Variants in UBR4 observed in about 807,000 individuals in gnomAD.
UBR4 encodes the protein ubiquitin protein ligase E3 component n-recognin 4.
UBR4 carries 124 observed loss-of-function variants against 575.6 expected under a neutral mutation model. The observed-to-expected ratio is 0.22, with a 90% CI of 0.19 to 0.25. UBR4 has a LOEUF of 0.25. Among genes scored for constraint, UBR4 ranks in the 10% least tolerant of loss-of-function variants. UBR4 has a pLI of 1.00. For synonymous variants in UBR4, 2,455 were observed against 2,473.7 expected (o/e 0.99, Z 0.22); for missense variants, 4,818 against 6,478.8 (o/e 0.74, Z 8.80).
chr1:19,175,392 A>G (rs930536317), intron 20 of UBR4, among the ~76,000 whole-genome samples: 1 of 151,300 alleles, frequency 6.6e-6, no homozygotes, highest in African/African-American at 2.4e-5. Flanking sequence ...TTATATCATT[A>G]GTCTGCACAC....
At chr1:19,171,449 T>C (rs187154976) in intron 25 of UBR4, among the ~76,000 whole-genome samples, 2 of 152,258 alleles carry the variant, frequency 1.3e-5, no homozygotes, top group East Asian at 3.9e-4. Context: ...AAAAAAAAAT[T>C]TGCCTCAAAC....
At chr1:19,165,922 A>G (rs1285614260) in intron 29 of UBR4, among the ~76,000 whole-genome samples, 165 bp from the exon 30 acceptor site, 2 of 152,234 alleles carry the variant, frequency 1.3e-5, no homozygotes, top group South Asian at 2.1e-4. Flanking sequence ...GTAGGTGTTC[A>G]ATACATGTTT....
At chr1:19,177,829 T>A in intron 18 of UBR4, 86 bp from the exon 19 acceptor site, 1 of 1,425,900 alleles carries the variant, frequency 7.0e-7, no homozygotes, top group Non-Finnish European at 9.5e-7. Context: ...AGAGTTAAAT[T>A]TCCTAAACCC....
intron 1 of UBR4, among the ~76,000 whole-genome samples, chr1:19,204,782 G>A (rs898936929): frequency 1.3e-5 from 2 of 152,152 alleles, no homozygotes; most frequent in Non-Finnish European, 2.9e-5. Context: ...TTGAAGACTT[G>A]AAGGAGGAAA....
intron 29 of UBR4, among the ~76,000 whole-genome samples, chr1:19,166,714 C>CAAAAAAAAAAAAAAAAAAAAAA (rs535369262): frequency 1.4e-5 from 1 of 73,710 alleles, no homozygotes; most frequent in African/African-American, 6.6e-5. Flanking sequence ...CCATCTCTAC[C>CAAAAAAAAAAAAAAAAAAAAAA]AAAAAAAAAA....
intron 60 of UBR4, among the ~76,000 whole-genome samples, chr1:19,133,366 T>G (rs2082761108): frequency 6.6e-6 from 1 of 152,096 alleles, no homozygotes; most frequent in African/African-American, 2.4e-5. Context: ...GATAAAAATC[T>G]CCCAGCAAAC....
Position 19,148,148 on chromosome 1 carries a change from G to A in UBR4, c.7495-21C>T, listed in dbSNP as rs772890025. On this transcript the variant is annotated intron_variant, in intron 50 of 105. Transcript: ENST00000375254. Reference sequence around the variant, plus strand: ...CTCTCCTAAGGCAAAAGACAGCAGGGTTATCACTAACCCCACCAACTCAAG... The same window carrying A: ...CTCTCCTAAGGCAAAAGACAGCAGGATTATCACTAACCCCACCAACTCAAG... 8 of 1,595,036 alleles carry A rather than the reference G, an allele frequency of 5.0e-6. No homozygotes were observed. In the South Asian group the frequency reaches 8.8e-5, roughly 18 times the overall value.
rs948580184 is a variant in UBR4 at position 19,150,637 on chromosome 1, T to C, written c.7370A>G (p.Asn2457Ser). 35 of 1,614,046 alleles carry C rather than the reference T, an allele frequency of 2.2e-5. No homozygotes were observed. The highest frequency in any genetic ancestry group is 1.7e-4 in the Middle Eastern group (1 of 6,010). The change falls in exon 49 of 106, where the codon AAC (asparagine) becomes AGC (serine). Residue 2457 changes from asparagine to serine, a missense_variant. Asn to Ser is a conservative substitution (Grantham distance 46). This residue lies in a region of UBR4 where 340 missense variants were observed against 375.4 expected (regional missense o/e 0.91). Coordinates refer to ENST00000375254, the MANE Select transcript of UBR4 (RefSeq NM_020765.3). ...NICPSNLNQS[N>S]GTGDSDSAAP... ...AGCTGAGTCGCTATCTCCAGTGCCG[T>C]TGCTCTGGTTCAGATTTGAAGGGCA...
chr1:19,151,188 A>C (rs567309770), intron 48 of UBR4: 1 of 320,586 alleles, frequency 3.1e-6, no homozygotes, highest in African/African-American at 2.1e-5. Flanking sequence ...GTGGCCAATA[A>C]ATGACAGAGA....
At chr1:19,150,825 A>C (rs1557801023) in intron 48 of UBR4, 32 bp from the exon 49 acceptor site, 1 of 1,608,366 alleles carries the variant, frequency 6.2e-7, no homozygotes, top group Admixed American at 1.7e-5. Context: ...TTTAGGAAGC[A>C]CATTCTCTAA....
intron 61 of UBR4, 36 bp downstream of exon 61, chr1:19,128,942 A>G (rs745553470): frequency 9.4e-6 from 15 of 1,587,350 alleles, no homozygotes; most frequent in Non-Finnish European, 1.1e-5. Context: ...CGGTCCAATC[A>G]TGACCTGACA....
chr1:19,162,349 G>C, intron 35 of UBR4, 71 bp downstream of exon 35: 1 of 1,512,944 alleles, frequency 6.6e-7, no homozygotes, highest in Non-Finnish European at 8.9e-7. Context: ...GGAAAACAGA[G>C]CCAAAAGCTT....
At position 19,139,732 on chromosome 1, in the gene UBR4, G is replaced by C. The variant is rs2083624618; in HGVS notation, c.8594-512C>G. ...AGGAAATCACTTAGCATGAGCTCTT[G>C]AATCAACCCTGTTTTGGTTTTTTTA... On this transcript the variant is annotated intron_variant, in intron 58 of 105. Coordinates refer to ENST00000375254, the MANE Select transcript of UBR4 (RefSeq NM_020765.3). This position sits in a 1 kb window ranked among gnomAD's most constrained non-coding sequence, Gnocchi z 4.2. Among the ~76,000 whole-genome samples the C allele has an allele frequency of 6.6e-6, 1 of 152,208 alleles. No individual in the cohort carries two copies. Among genetic ancestry groups the C allele is most frequent in the Admixed American group, 6.5e-5 (1 of 15,282 alleles).
chr1:19,096,765 C>A, intron 91 of UBR4, 115 bp from the exon 92 acceptor site: 1 of 1,447,012 alleles, frequency 6.9e-7, no homozygotes. Context: ...TTTTCCGTAT[C>A]TCCAATAAAG....
chr1:19,204,298 G>T (rs906315295), intron 1 of UBR4, among the ~76,000 whole-genome samples: 1 of 152,092 alleles, frequency 6.6e-6, no homozygotes, highest in African/African-American at 2.4e-5. Flanking sequence ...TCCACGCCTG[G>T]CCCCACCCTT....
chr1:19,143,332 A>G (rs2084359999), intron 55 of UBR4, among the ~76,000 whole-genome samples: 1 of 151,894 alleles, frequency 6.6e-6, no homozygotes, highest in Admixed American at 6.6e-5. Context: ...ATTTAAAAGT[A>G]CATAGTGACT....
Position 19,192,248 on chromosome 1 carries a change from C to G in UBR4, c.1334G>C (p.Arg445Thr), listed in dbSNP as rs1173243050. The change falls in exon 11 of 106, where the codon AGA becomes ACA. Residue 445 changes from arginine to threonine, a missense_variant. Physicochemically the swap from Arg to Thr is moderately conservative, Grantham distance 71 (BLOSUM62 -1). This residue lies in a region of UBR4 where 162 missense variants were observed against 216.4 expected (regional missense o/e 0.75). Coordinates refer to ENST00000375254, the MANE Select transcript of UBR4 (RefSeq NM_020765.3). The part of the protein sequence containing the change: ...EKDPLAALRV[R>T]DILSRTKEGV... Reference sequence around the variant, plus strand: ...CTCTTTAGTACGAGAAAGGATGTCTCTGACTCGGAGGGCAGCCAGTGGGTC... The same window carrying G: ...CTCTTTAGTACGAGAAAGGATGTCTGTGACTCGGAGGGCAGCCAGTGGGTC... 6 of 1,614,202 alleles carry G rather than the reference C, an allele frequency of 3.7e-6. No homozygotes were observed. The highest frequency in any genetic ancestry group is 1.7e-5 in the Admixed American group (1 of 60,024).
At chr1:19,081,653 T>C (rs778437514) in intron 102 of UBR4, 80 bp from the exon 103 acceptor site, 1 of 1,490,454 alleles carries the variant, frequency 6.7e-7, no homozygotes, top group South Asian at 1.1e-5. Flanking sequence ...ATTTGCTCAA[T>C]TTGTCGTTGT....
intron 19 of UBR4, 141 bp from the exon 20 acceptor site, chr1:19,176,868 G>A (rs2090319240): frequency 6.9e-6 from 7 of 1,019,080 alleles, no homozygotes; most frequent in Non-Finnish European, 9.6e-6. Flanking sequence ...TGTTTTATTG[G>A]GCACCATTCA....
Sources: allele counts gnomAD v4.1 joint callset (sites outside exome capture counted in the v4.1 genomes callset), GRCh38; gene constraint gnomAD v4.1.1; regional missense constraint gnomAD v4.1.1; non-coding constraint Gnocchi (gnomAD v3.1); transcripts MANE v1.5; gene names NCBI Gene and HGNC (gene_info 2026-07-23, HGNC 2026-07-21).